Variants in KIF20B observed in about 807,000 individuals in gnomAD.
KIF20B encodes kinesin family member 20B.
Under a neutral mutation model 232.5 loss-of-function variants are expected in KIF20B, and 188 were observed. The observed-to-expected ratio is 0.81, with a 90% CI of 0.72 to 0.91. The LOEUF (loss-of-function observed/expected upper bound fraction) is 0.91. Ranked by LOEUF, KIF20B falls within the 40% of genes least tolerant of loss-of-function variation. The pLI is 0.00. For missense variants in KIF20B, 2,154 were observed against 2,055.9 expected, an observed-to-expected ratio of 1.05 and a Z score of -0.92; for synonymous variants, 712 against 683.0, an observed-to-expected ratio of 1.04 and a Z score of -0.66.
chr10:89,719,467 C>A lies in KIF20B; in HGVS notation c.1483C>A (p.Pro495Thr). Reference protein sequence around the residue: ...LNSSQEKLFGPVKSSQDVSLD... With the variant: ...LNSSQEKLFGTVKSSQDVSLD... ...TTCCTCTCAAGAGAAATTATTTGGACCTGTCAAATCTTCTCAAGATGTATC... is the reference window on the plus strand; with the variant it reads ...TTCCTCTCAAGAGAAATTATTTGGAACTGTCAAATCTTCTCAAGATGTATC... Residue 495 changes from proline (P) to threonine (T), a missense_variant, in exon 13 of 33, where the codon CCT becomes ACT. Transcript: ENST00000371728. The A allele has an allele frequency of 6.2e-7, 1 of 1,600,058 alleles. No homozygotes were observed. Among genetic ancestry groups the A allele is most frequent in the Non-Finnish European group, 8.5e-7 (1 of 1,173,992 alleles).
chr10:89,709,820 T>C (rs1842801605), intron 4 of KIF20B, 107 bp from the exon 5 acceptor site: 1 of 897,064 alleles, frequency 1.1e-6, no homozygotes, highest in Non-Finnish European at 1.6e-6. Flanking sequence ...TGGCACCTAT[T>C]TTAAGAATGA....
rs753189596 is a variant in KIF20B, at chr10:89,738,964, A to G, written c.3783A>G (p.Lys1261=). Residue 1261 remains lysine, a synonymous_variant, in exon 21 of 33, where the codon AAA becomes AAG. Transcript: ENST00000371728. ...ETNRQETEKL[K]EELSASSART... ...AGTGGTTTATGTTTTTTAGATTGAA[A>G]GAGGAACTCTCTGCAAGCTCTGCTC... is the stretch of plus-strand genomic sequence containing the variant. 2.5e-6 allele frequency: 4 copies of G among 1,610,184 alleles called. No individual in the cohort carries two copies. Among genetic ancestry groups the G allele is most frequent in the Non-Finnish European group, 3.4e-6 (4 of 1,178,992 alleles).
intron 12 of KIF20B, 98 bp from the exon 13 acceptor site, chr10:89,719,321 C>G (rs1842999419): frequency 3.5e-6 from 3 of 848,348 alleles, no homozygotes; most frequent in Non-Finnish European, 3.6e-6. Flanking sequence ...TTCCTTAACA[C>G]TTGAGTGTTC....
intron 1 of KIF20B, among the ~76,000 whole-genome samples, chr10:89,703,437 G>C (rs529846937): frequency 6.6e-6 from 1 of 152,252 alleles, no homozygotes; most frequent in Admixed American, 6.5e-5. Flanking sequence ...TCTAGACCAG[G>C]GTGAGGGGCC....
intron 1 of KIF20B, among the ~76,000 whole-genome samples, chr10:89,703,896 G>C (rs1842667021): frequency 6.6e-6 from 1 of 151,954 alleles, no homozygotes; most frequent in Non-Finnish European, 1.5e-5. Context: ...GGGACTACAG[G>C]CGCATGCCAC....
chr10:89,705,748 A>G (rs1431524568), intron 2 of KIF20B, among the ~76,000 whole-genome samples: 2 of 152,218 alleles, frequency 1.3e-5, no homozygotes, highest in African/African-American at 4.8e-5. Context: ...TGAGGAGACT[A>G]TAGGGTCTCT....
At chr10:89,769,765 G>C (rs961583624) in intron 31 of KIF20B, among the ~76,000 whole-genome samples, 4 of 151,880 alleles carry the variant, frequency 2.6e-5, no homozygotes, top group African/African-American at 9.7e-5. Context: ...TGCAATTACA[G>C]GCAGCAATAC....
At chr10:89,756,914 T>G (rs1003447438) in intron 26 of KIF20B, among the ~76,000 whole-genome samples, 1 of 151,958 alleles carries the variant, frequency 6.6e-6, no homozygotes, top group African/African-American at 2.4e-5. Flanking sequence ...CTAATTCATT[T>G]TAATGTTGAA....
intron 2 of KIF20B, among the ~76,000 whole-genome samples, chr10:89,707,711 G>C (rs903840133): frequency 6.6e-6 from 1 of 151,296 alleles, no homozygotes; most frequent in African/African-American, 2.4e-5. Context: ...CTAGAAGTGG[G>C]GAAGCAGAAA....
intron 21 of KIF20B, 112 bp from the exon 22 acceptor site, chr10:89,743,696 T>C: frequency 3.2e-6 from 2 of 621,454 alleles, no homozygotes; most frequent in African/African-American, 2.0e-5. Context: ...CATTTTTCTT[T>C]TAGGCTGTAA....
intron 18 of KIF20B, among the ~76,000 whole-genome samples, chr10:89,729,517 G>A (rs1485705233): frequency 3.3e-5 from 5 of 152,222 alleles, no homozygotes; most frequent in East Asian, 3.8e-4. Flanking sequence ...GCCTTTGGAC[G>A]TTTAAGCCTC....
At chr10:89,731,967 T>C (rs1481635628) in intron 18 of KIF20B, among the ~76,000 whole-genome samples, 2 of 152,234 alleles carry the variant, frequency 1.3e-5, no homozygotes, top group Non-Finnish European at 2.9e-5. Context: ...CGGCACTCTA[T>C]CATACACTTT....
intron 14 of KIF20B, 32 bp from the exon 15 acceptor site, chr10:89,724,988 G>A (rs753168021): frequency 1.9e-6 from 3 of 1,597,404 alleles, no homozygotes; most frequent in Non-Finnish European, 1.7e-6. Flanking sequence ...TTCGTTTTCT[G>A]TTTCTTAATG....
intron 1 of KIF20B, among the ~76,000 whole-genome samples, chr10:89,704,922 A>G (rs944675242): frequency 1.3e-5 from 2 of 152,264 alleles, no homozygotes; most frequent in Non-Finnish European, 2.9e-5. Context: ...TACAGGAGTC[A>G]CTAAGTAGAT....
At chr10:89,728,506 T>A (rs1217900280) in intron 17 of KIF20B, among the ~76,000 whole-genome samples, 1 of 150,796 alleles carries the variant, frequency 6.6e-6, no homozygotes, top group African/African-American at 2.4e-5. Context: ...ATAGTTTTTT[T>A]AGTTTTATTT....
intron 31 of KIF20B, among the ~76,000 whole-genome samples, chr10:89,769,436 C>G (rs758874442): frequency 2.0e-5 from 3 of 151,634 alleles, no homozygotes; most frequent in Non-Finnish European, 2.9e-5. Flanking sequence ...CAAAACAGAA[C>G]AAAAACAACA....
intron 13 of KIF20B, among the ~76,000 whole-genome samples, chr10:89,720,888 T>G (rs1393758388): frequency 2.6e-5 from 4 of 152,070 alleles, no homozygotes; most frequent in African/African-American, 4.8e-5. Context: ...TTTTGTATCT[T>G]TAGTAGAGAT....
intron 18 of KIF20B, among the ~76,000 whole-genome samples, chr10:89,730,914 A>G (rs558927086): frequency 2.5e-4 from 38 of 152,142 alleles, no homozygotes; most frequent in Non-Finnish European, 4.4e-4. Flanking sequence ...AGGCAGAGAG[A>G]CCAGATAGCT....
chr10:89,728,867 C>T (rs1244959218), intron 17 of KIF20B, among the ~76,000 whole-genome samples: 2 of 151,304 alleles, frequency 1.3e-5, no homozygotes, highest in Non-Finnish European at 2.9e-5. Context: ...CAGTCTGGCT[C>T]CAAATTCCTC....
Sources: allele counts gnomAD v4.1 joint callset (sites outside exome capture counted in the v4.1 genomes callset), GRCh38; gene constraint gnomAD v4.1.1; transcripts MANE v1.5; gene names NCBI Gene and HGNC (gene_info 2026-07-23, HGNC 2026-07-21).